Variants in TOX observed in about 807,000 individuals in gnomAD.
TOX encodes thymocyte selection associated high mobility group box.
A neutral mutation model predicts 53.7 loss-of-function variants in TOX; 11 were observed. The observed-to-expected ratio is 0.20, with a 90% CI of 0.13 to 0.34. The LOEUF is 0.34. TOX is among the 10% of genes least tolerant of loss of function. The pLI, the probability that TOX is intolerant of heterozygous loss-of-function variation, is 1.00. For synonymous variants in TOX, 225 were observed against 245.3 expected, an observed-to-expected ratio of 0.92 and a Z score of 0.77; for missense variants, 570 against 664.6, an observed-to-expected ratio of 0.86 and a Z score of 1.56.
intron 1 of TOX, among the ~76,000 whole-genome samples, chr8:59,020,319 T>C (rs960439294): frequency 1.3e-5 from 2 of 152,196 alleles, no homozygotes; most frequent in Non-Finnish European, 2.9e-5. Flanking sequence ...TCACTTAGGA[T>C]AAGCTCAACT....
At chr8:58,912,046 G>A (rs959104385) in intron 3 of TOX, among the ~76,000 whole-genome samples, 1 of 152,172 alleles carries the variant, frequency 6.6e-6, no homozygotes, top group Non-Finnish European at 1.5e-5. Context: ...CCCAGCCTTC[G>A]GCTAAAATGA....
At chr8:59,010,459 C>T (rs771301362) in intron 1 of TOX, among the ~76,000 whole-genome samples, 9 of 152,084 alleles carry the variant, frequency 5.9e-5, no homozygotes, top group Non-Finnish European at 8.8e-5. Context: ...ACGAGGCCAA[C>T]GAAAATTGAA....
chr8:58,998,671 G>GA, intron 1 of TOX, among the ~76,000 whole-genome samples: 1 of 120,016 alleles, frequency 8.3e-6, no homozygotes, highest in African/African-American at 3.2e-5. Context: ...GTAAGATTTG[G>GA]AAAATGTTTT....
intron 3 of TOX, among the ~76,000 whole-genome samples, chr8:58,918,926 G>A (rs544504039): frequency 4.3e-4 from 65 of 151,912 alleles, no homozygotes; most frequent in Non-Finnish European, 8.5e-4. Flanking sequence ...CAAACAGAGA[G>A]CCAAATCATA....
rs191937747 is a variant in TOX at position 59,046,459 on chromosome 8, T to C, written c.102+72427A>G. Among the ~76,000 whole-genome samples the C allele has an allele frequency of 1.2e-3, 189 of 152,256 alleles. 1 individual carries two copies. The highest frequency in any genetic ancestry group is 2.6e-3 in the Admixed American group (40 of 15,288). On this transcript the variant is annotated intron_variant, in intron 1 of 8. Transcript: ENST00000361421. ...CAAGCTCCAATTTCAGAGAACTAAA[T>C]AATAACCTAGGTGTTAATGAAAATC...
At chr8:59,020,399 T>C (rs1338818360) in intron 1 of TOX, among the ~76,000 whole-genome samples, 1 of 152,210 alleles carries the variant, frequency 6.6e-6, no homozygotes, top group Non-Finnish European at 1.5e-5. Flanking sequence ...TTGCTGAGAA[T>C]GCTTTTCTTT....
intron 1 of TOX, among the ~76,000 whole-genome samples, chr8:58,990,986 A>G (rs1585946827): frequency 6.6e-6 from 1 of 152,186 alleles, no homozygotes; most frequent in East Asian, 1.9e-4. Context: ...AAAATTGAGC[A>G]CTCTTCTAAG....
chr8:59,098,339 A>G (rs10101075), intron 1 of TOX, among the ~76,000 whole-genome samples: 14,970 of 152,280 alleles, frequency 0.098, 961 homozygotes, highest in Middle Eastern at 0.2. Flanking sequence ...AAAAAGGTTA[A>G]GAACGACTGA....
In TOX at chr8:59,059,941, T is replaced by A; in HGVS notation, c.102+58945A>T. Among the ~76,000 whole-genome samples, 3 of 152,204 alleles carry A rather than the reference T, an allele frequency of 2.0e-5. No homozygotes were observed. In the Middle Eastern group the frequency reaches 0.01, roughly 518 times the overall value. On this transcript the variant is annotated intron_variant, in intron 1 of 8. Coordinates refer to ENST00000361421, the MANE Select transcript of TOX (RefSeq NM_014729.3). Reference sequence around the variant, plus strand: ...AAAAAATCTTTTAGAAAGAAAATCATCTAGATTTTTATAGTAAGTAGACAC... The same window carrying A: ...AAAAAATCTTTTAGAAAGAAAATCAACTAGATTTTTATAGTAAGTAGACAC...
intron 3 of TOX, among the ~76,000 whole-genome samples, chr8:58,858,244 G>A (rs1231600475): frequency 6.6e-6 from 1 of 152,132 alleles, no homozygotes; most frequent in Non-Finnish European, 1.5e-5. Flanking sequence ...TACTTGAATG[G>A]CACCAGAACG....
At chr8:58,938,356 T>A (rs1356841781) in intron 3 of TOX, among the ~76,000 whole-genome samples, 2 of 152,202 alleles carry the variant, frequency 1.3e-5, no homozygotes, top group Non-Finnish European at 2.9e-5. Context: ...GACAGTACTG[T>A]TCGATGACTT....
chr8:58,899,783 C>CCA (rs1811704060), intron 3 of TOX, among the ~76,000 whole-genome samples: 1 of 152,116 alleles, frequency 6.6e-6, no homozygotes, highest in Non-Finnish European at 1.5e-5. Flanking sequence ...TCAACATGAA[C>CCA]CACTATTCTA....
rs150727543 is a variant in TOX, at chr8:58,939,467, C to T, written c.246G>A (p.Ser82=). ...PITPPSLPDH[S]LVHLNEVESG... ...ACTCAACTTCATTCAGGTGCACCAG[C>T]GAGTGGTCTGGGAGGGAAGGAGGAG... The change falls in exon 3 of 9, where the codon TCG becomes TCA. Residue 82 remains serine, a synonymous_variant. Coordinates refer to ENST00000361421, the MANE Select transcript of TOX (RefSeq NM_014729.3). 4.4e-5 allele frequency: 71 copies of T among 1,614,098 alleles called. No homozygotes were observed. The East Asian group carries it at 7.8e-4, about 18-fold the overall frequency.
In TOX at chr8:59,117,461, C is replaced by T. The variant is rs1316347837; in HGVS notation, c.102+1425G>A. ...CTTTTCTAACTTGCCTAAACACCAT[C>T]GGCACACAGCACAGTCCTTTGAGTG... On this transcript the variant is annotated intron_variant, in intron 1 of 8. Transcript: ENST00000361421. This position sits in a 1 kb window ranked among gnomAD's most constrained non-coding sequence, Gnocchi z 4.6. Among the ~76,000 whole-genome samples, 2 of 152,200 alleles carry T rather than the reference C, an allele frequency of 1.3e-5. No individual in the cohort carries two copies.
intron 1 of TOX, among the ~76,000 whole-genome samples, chr8:59,039,586 T>C (rs951993676): frequency 2.0e-5 from 3 of 152,190 alleles, no homozygotes; most frequent in African/African-American, 7.2e-5. Context: ...TCATCTCTTA[T>C]TCCCTCTCAT....
At chr8:59,049,222 A>C (rs1210331688) in intron 1 of TOX, among the ~76,000 whole-genome samples, 1 of 152,194 alleles carries the variant, frequency 6.6e-6, no homozygotes, top group Non-Finnish European at 1.5e-5. Context: ...CCAAAAAATC[A>C]GTTAATTAAT....
rs1040179619 is a variant in TOX, at chr8:59,118,671, C to A, written c.102+215G>T. 6.6e-6 allele frequency among the ~76,000 whole-genome samples: 1 copy of A among 152,200 alleles called. No individual in the cohort carries two copies. Among genetic ancestry groups the A allele is most frequent in the Non-Finnish European group, 1.5e-5 (1 of 68,030 alleles). On this transcript the variant is annotated intron_variant, in intron 1 of 8. Coordinates refer to ENST00000361421, the MANE Select transcript of TOX (RefSeq NM_014729.3). This position sits in a 1 kb window ranked among gnomAD's most constrained non-coding sequence, Gnocchi z 4.1. ...CAGGAAGGAAAGAATCCGAGCAAATCGTGTCACTTTCCGCACAATCGCGGT... is the reference window on the plus strand; with the variant it reads ...CAGGAAGGAAAGAATCCGAGCAAATAGTGTCACTTTCCGCACAATCGCGGT...
At chr8:58,976,385 C>A (rs575628469) in intron 1 of TOX, among the ~76,000 whole-genome samples, 1 of 152,194 alleles carries the variant, frequency 6.6e-6, no homozygotes, top group Non-Finnish European at 1.5e-5. Flanking sequence ...GCAATTCAGT[C>A]GCATGTTTAG....
chr8:59,046,579 C>CG (rs1429261099), intron 1 of TOX, among the ~76,000 whole-genome samples: 3 of 151,984 alleles, frequency 2.0e-5, no homozygotes, highest in African/African-American at 4.8e-5. Context: ...CACTCTAGGC[C>CG]GGGGGTGGTG....
Sources: allele counts gnomAD v4.1 joint callset (sites outside exome capture counted in the v4.1 genomes callset), GRCh38; gene constraint gnomAD v4.1.1; non-coding constraint Gnocchi (gnomAD v3.1); transcripts MANE v1.5; gene names NCBI Gene and HGNC (gene_info 2026-07-23, HGNC 2026-07-21).